Variants in ABCC1 observed in about 807,000 individuals in gnomAD.
ABCC1 encodes the protein multidrug resistance-associated protein 1.
Under a neutral mutation model 172.9 loss-of-function variants are expected in ABCC1, and 83 were observed. The ratio of observed to expected loss-of-function variants is 0.48; its 90% CI spans 0.40 to 0.58. ABCC1 has a LOEUF of 0.58. Among genes scored for constraint, ABCC1 ranks in the 20% least tolerant of loss-of-function variants. ABCC1 has a pLI of 0.00. For missense variants in ABCC1, 1,817 were observed against 2,002.7 expected (o/e 0.91, Z 1.77); for synonymous variants, 937 against 825.2 (o/e 1.14, Z -2.32).
At chr16:16,018,709 G>C (rs1405391817) in intron 5 of ABCC1, among the ~76,000 whole-genome samples, 1 of 152,040 alleles carries the variant, frequency 6.6e-6, no homozygotes, top group East Asian at 1.9e-4. Context: ...GTGCCTGCTT[G>C]TGTGTCTCGG....
At chr16:16,114,497 C>T (rs1201323580) in intron 22 of ABCC1, among the ~76,000 whole-genome samples, 2 of 152,110 alleles carry the variant, frequency 1.3e-5, no homozygotes, top group Non-Finnish European at 2.9e-5. Context: ...CCAACCACCA[C>T]GCCTGGCTAA....
chr16:16,078,425 T>C (rs113189891), intron 15 of ABCC1, among the ~76,000 whole-genome samples: 322 of 152,346 alleles, frequency 2.1e-3, no homozygotes, highest in African/African-American at 7.2e-3. Context: ...GACATCTTCC[T>C]GAAATTCAAC....
intron 7 of ABCC1, among the ~76,000 whole-genome samples, chr16:16,041,474 C>T (rs765286013): frequency 6.6e-6 from 1 of 152,072 alleles, no homozygotes; most frequent in African/African-American, 2.4e-5. Context: ...AGATCCTCAG[C>T]GTGGAGCCAG....
At chr16:16,017,888 A>G (rs567295348) in intron 5 of ABCC1, among the ~76,000 whole-genome samples, 22 of 152,094 alleles carry the variant, frequency 1.4e-4, no homozygotes, top group African/African-American at 4.6e-4. Flanking sequence ...GGCAGAGGGG[A>G]ATAAGTACAA....
intron 5 of ABCC1, 101 bp downstream of exon 5, chr16:16,016,722 C>T: frequency 6.6e-7 from 1 of 1,504,432 alleles, no homozygotes; most frequent in South Asian, 1.3e-5. Flanking sequence ...GATCTCGTTC[C>T]AGCCTCCCTC....
At chr16:16,139,792 T>A (rs45601838) in intron 30 of ABCC1, among the ~76,000 whole-genome samples, 4,667 of 151,994 alleles carry the variant, frequency 0.031, 187 homozygotes, top group African/African-American at 0.076. Context: ...GGTTTTGAGT[T>A]TTGTGTGGGT....
intron 1 of ABCC1, among the ~76,000 whole-genome samples, chr16:15,977,220 T>C (rs1401663316): frequency 6.6e-6 from 1 of 152,122 alleles, no homozygotes; most frequent in Non-Finnish European, 1.5e-5. Context: ...AGCCAGAAAA[T>C]TTCCCTCTGA....
rs779585905 is a variant in ABCC1, at chr16:16,098,904, T to A, written c.2645-3723T>A. On this transcript the variant is annotated intron_variant, in intron 19 of 30. Transcript: ENST00000399410. Reference sequence around the variant, plus strand: ...CAGTGATGGACGAGGAGGAAGCAGGTCAGTACTGCCCGGGTTGGAGTTGGC... The same window carrying A: ...CAGTGATGGACGAGGAGGAAGCAGGACAGTACTGCCCGGGTTGGAGTTGGC... 4.4e-6 allele frequency: 6 copies of A among 1,352,054 alleles called. No homozygotes were observed. The East Asian group carries it at 2.7e-4, about 62-fold the overall frequency. The allele number at this position is 1,352,054 out of a possible 1,614,324, so 83.8% of individuals were successfully genotyped here. A position where few individuals can be genotyped will look rare whatever the true frequency, so the allele number is the denominator to read the frequency against.
chr16:16,065,894 C>T (rs35601), intron 12 of ABCC1, among the ~76,000 whole-genome samples: 120,432 of 152,120 alleles, frequency 0.79, 47,872 homozygotes, highest in Non-Finnish European at 0.83. Context: ...ATTTTTTTAA[C>T]GGAGGTATAA....
At chr16:16,039,426 CCTGA>C (rs2048891339) in intron 7 of ABCC1, among the ~76,000 whole-genome samples, 1 of 151,434 alleles carries the variant, frequency 6.6e-6, no homozygotes. Context: ...TGCCACCACG[CCTGA>C]CTAATTTTTT....
At position 16,052,912 on chromosome 16, in the gene ABCC1, G is replaced by A. The variant is rs1596426643; in HGVS notation, c.1473+96G>A. 4.1e-6 allele frequency: 5 copies of A among 1,227,868 alleles called. No individual in the cohort carries two copies. In the East Asian group the frequency reaches 1.2e-4, roughly 29 times the overall value. 76.1% of individuals were successfully genotyped at this position (1,227,868 alleles called of 1,614,324 possible). ...CAGTTCCTTCTGCTCTGTCCCTGGG[G>A]TTCTCAGCCTTGCCTGCCAGTTGGA... On this transcript the variant is annotated intron_variant, in intron 11 of 30. Transcript: ENST00000399410.
At chr16:16,072,996 C>G (rs541360997) in intron 14 of ABCC1, among the ~76,000 whole-genome samples, 3 of 150,126 alleles carry the variant, frequency 2.0e-5, no homozygotes, top group Admixed American at 6.7e-5. Context: ...GAGCCAAGAT[C>G]GCGCCACTGC....
intron 1 of ABCC1, among the ~76,000 whole-genome samples, chr16:15,955,109 A>C (rs776973766): frequency 3.3e-5 from 5 of 152,234 alleles, no homozygotes; most frequent in Non-Finnish European, 5.9e-5. Flanking sequence ...TAATCCTGGC[A>C]CTTCGGGAGG....
At chr16:15,984,597 A>C (rs2046702690) in intron 1 of ABCC1, among the ~76,000 whole-genome samples, 1 of 151,868 alleles carries the variant, frequency 6.6e-6, no homozygotes, top group Admixed American at 6.6e-5. Context: ...TGTGTGCGCC[A>C]CCAAGCTCAG....
intron 25 of ABCC1, 41 bp from the exon 26 acceptor site, chr16:16,125,769 C>A: frequency 7.2e-7 from 1 of 1,387,804 alleles, no homozygotes; most frequent in Non-Finnish European, 1.0e-6. Flanking sequence ...TCAAGTACGC[C>A]CGCTTACTCT....
intron 17 of ABCC1, among the ~76,000 whole-genome samples, chr16:16,085,119 G>A (rs2050958271): frequency 6.6e-6 from 1 of 152,142 alleles, no homozygotes; most frequent in Admixed American, 6.5e-5. Flanking sequence ...CTGTGTCCAT[G>A]TTGTTACCTG....
At chr16:16,057,270 A>C (rs1307134788) in intron 12 of ABCC1, among the ~76,000 whole-genome samples, 1 of 151,318 alleles carries the variant, frequency 6.6e-6, no homozygotes. Flanking sequence ...GAGACATGAG[A>C]ATCCCTTGAA....
intron 1 of ABCC1, among the ~76,000 whole-genome samples, chr16:15,961,580 G>C (rs1225460576): frequency 1.3e-5 from 2 of 152,178 alleles, no homozygotes; most frequent in African/African-American, 2.4e-5. Context: ...TTCGAGAAAA[G>C]TTTCAAGTAT....
intron 19 of ABCC1, among the ~76,000 whole-genome samples, chr16:16,102,313 G>C (rs2051795771): frequency 6.6e-6 from 1 of 152,218 alleles, no homozygotes; most frequent in Non-Finnish European, 1.5e-5. Context: ...CAGGGCTACT[G>C]TTTTCTGGGC....
Sources: gnomAD v4.1 joint callset for allele counts (sites outside exome capture counted in the v4.1 genomes callset) on GRCh38, gnomAD v4.1.1 for gene constraint, MANE v1.5 for transcripts, NCBI Gene and HGNC (gene_info 2026-07-23, HGNC 2026-07-21) for gene names.